Variants in HERC3 observed in about 807,000 individuals in gnomAD.
HERC3 encodes the protein probable E3 ubiquitin-protein ligase HERC3.
In HERC3, 58 loss-of-function variants were observed where a neutral mutation model predicts 129.9. The ratio of observed to expected loss-of-function variants is 0.45; its 90% confidence interval spans 0.36 to 0.56. The LOEUF (loss-of-function observed/expected upper bound fraction) is 0.56, where lower values mean the gene tolerates loss of function less well. HERC3 is among the 20% of genes least tolerant of loss of function. The pLI is 0.00. For missense variants in HERC3, 835 were observed against 1,244.2 expected, an observed-to-expected ratio of 0.67 and a Z score of 4.95; for synonymous variants, 430 against 451.0, an observed-to-expected ratio of 0.95 and a Z score of 0.59.
chr4:88,652,754 T>C, intron 5 of HERC3, 115 bp from the exon 6 acceptor site: 2 of 1,054,678 alleles, frequency 1.9e-6, no homozygotes, highest in Non-Finnish European at 2.7e-6. Context: ...GTTCCTTTGC[T>C]CTTGGGTGGG....
intron 23 of HERC3, among the ~76,000 whole-genome samples, chr4:88,700,843 T>A (rs1196067174): frequency 1.3e-5 from 2 of 152,202 alleles, no homozygotes; most frequent in Non-Finnish European, 2.9e-5. Flanking sequence ...CCAAAGACAG[T>A]CTGGAGGGAG....
Position 88,686,816 on chromosome 4 carries a change from C to G in HERC3, c.2574+14C>G. The G allele has an allele frequency of 1.9e-6, 3 of 1,581,320 alleles. No individual in the cohort carries two copies. The highest frequency in any genetic ancestry group is 2.6e-6 in the Non-Finnish European group (3 of 1,150,752). On this transcript the variant is annotated intron_variant, in intron 22 of 25. Coordinates refer to ENST00000402738, the MANE Select transcript of HERC3 (RefSeq NM_014606.3). ...CTCAACTTCACGGTAAGAATTTCCA[C>G]AGTTTACTTAGGATTGTGGCTGTCT...
chr4:88,706,717 G>T, intron 25 of HERC3, 35 bp from the exon 26 acceptor site: 1 of 1,579,274 alleles, frequency 6.3e-7, no homozygotes, highest in Middle Eastern at 1.7e-4. Context: ...TTTTCCGTTT[G>T]CTTAGCTGCT....
chr4:88,584,297 C>A, the HERC3 span, among the ~76,000 whole-genome samples: 1 of 152,154 alleles, frequency 6.6e-6, no homozygotes, highest in Non-Finnish European at 1.5e-5. Context: ...TCCAGGTAGA[C>A]ATGAATTTGA....
At chr4:88,580,911 A>G in the HERC3 span, among the ~76,000 whole-genome samples, 2 of 152,216 alleles carry the variant, frequency 1.3e-5, no homozygotes, top group Non-Finnish European at 2.9e-5. Context: ...CAGAGAATCC[A>G]TGAATACTCC....
intron 23 of HERC3, among the ~76,000 whole-genome samples, chr4:88,702,472 A>G (rs184135919): frequency 7.2e-5 from 11 of 152,322 alleles, no homozygotes; most frequent in Admixed American, 1.3e-4. Context: ...CATAAATGCC[A>G]TCATATTTTA....
chr4:88,561,756 A>T, the HERC3 span, among the ~76,000 whole-genome samples: 1 of 152,132 alleles, frequency 6.6e-6, no homozygotes, highest in African/African-American at 2.4e-5. Flanking sequence ...GAATGAGAAC[A>T]TGCAAAGTTT....
chr4:88,689,426 G>A (rs541793800), intron 23 of HERC3, among the ~76,000 whole-genome samples: 1 of 151,682 alleles, frequency 6.6e-6, no homozygotes, highest in Non-Finnish European at 1.5e-5. Context: ...GGCTAAGGTG[G>A]GAGGATCACT....
At chr4:88,600,748 T>C (rs993007825) in intron 2 of HERC3, among the ~76,000 whole-genome samples, 1 of 152,258 alleles carries the variant, frequency 6.6e-6, no homozygotes, top group Admixed American at 6.5e-5. Context: ...ATGTACCCGC[T>C]TGTTGATTCA....
chr4:88,558,673 T>G, the HERC3 span, among the ~76,000 whole-genome samples: 4 of 152,116 alleles, frequency 2.6e-5, no homozygotes, highest in East Asian at 7.7e-4. Context: ...TTAGAAATTC[T>G]CATTGAGAGG....
chr4:88,563,699 G>T, the HERC3 span, among the ~76,000 whole-genome samples: 1 of 143,418 alleles, frequency 7.0e-6, no homozygotes, highest in African/African-American at 2.6e-5. Flanking sequence ...CTCTTGTGTT[G>T]CCAAGGCTGG....
intron 3 of HERC3, among the ~76,000 whole-genome samples, chr4:88,622,467 G>T (rs1725637918): frequency 6.7e-6 from 1 of 150,158 alleles, no homozygotes. Context: ...TTTTTGTGTG[G>T]ACACATGTTT....
chr4:88,595,120 A>AG (rs1301309875), intron 1 of HERC3, among the ~76,000 whole-genome samples: 7 of 151,280 alleles, frequency 4.6e-5, no homozygotes, highest in Non-Finnish European at 7.4e-5. Context: ...AAAAAAAAAA[A>AG]AAAGAAAAGG....
intron 3 of HERC3, among the ~76,000 whole-genome samples, chr4:88,609,828 G>T (rs1468484067): frequency 6.6e-6 from 1 of 152,182 alleles, no homozygotes; most frequent in African/African-American, 2.4e-5. Flanking sequence ...GAAAGTAAAG[G>T]AATGAAAGAA....
At chr4:88,675,348 C>G (rs182759631) in intron 16 of HERC3, among the ~76,000 whole-genome samples, 1 of 152,128 alleles carries the variant, frequency 6.6e-6, no homozygotes, top group African/African-American at 2.4e-5. Context: ...AACATGATGC[C>G]AATGCAGTTA....
chr4:88,693,307 A>C, intron 23 of HERC3: 3 of 972,582 alleles, frequency 3.1e-6, no homozygotes, highest in Non-Finnish European at 2.4e-6. Context: ...GGTGAAATGG[A>C]ATTAAAATGT....
At chr4:88,602,641 C>T (rs1341048588) in intron 2 of HERC3, among the ~76,000 whole-genome samples, 2 of 151,904 alleles carry the variant, frequency 1.3e-5, no homozygotes, top group Non-Finnish European at 2.9e-5. Context: ...CCACACTTGG[C>T]TGATTTTATT....
At chr4:88,562,980 T>G in the HERC3 span, among the ~76,000 whole-genome samples, 1 of 152,246 alleles carries the variant, frequency 6.6e-6, no homozygotes, top group African/African-American at 2.4e-5. Context: ...CTTTGGCTAT[T>G]CTGGATCTTT....
chr4:88,638,439 A>G (rs1241511506), intron 3 of HERC3, among the ~76,000 whole-genome samples: 1 of 152,244 alleles, frequency 6.6e-6, no homozygotes, highest in East Asian at 1.9e-4. Context: ...GGTTCACCAT[A>G]TGCAAATCAA....
Sources: gnomAD v4.1 joint callset for allele counts (sites outside exome capture counted in the v4.1 genomes callset) on GRCh38, gnomAD v4.1.1 for gene constraint, MANE v1.5 for transcripts, NCBI Gene and HGNC (gene_info 2026-07-23, HGNC 2026-07-21) for gene names.